Variants in PALLD observed in about 807,000 individuals in gnomAD.
The protein encoded by PALLD is palladin.
In PALLD, 61 loss-of-function variants were observed where a neutral mutation model predicts 123.5. The ratio of observed to expected loss-of-function variants is 0.49; its 90% CI spans 0.40 to 0.61. The LOEUF (loss-of-function observed/expected upper bound fraction) is 0.61. PALLD is among the 20% of genes least tolerant of loss of function. The pLI, the probability that PALLD is intolerant of heterozygous loss-of-function variation, is 0.00. For synonymous variants in PALLD, 465 were observed against 496.4 expected, an observed-to-expected ratio of 0.94 and a Z score of 0.84; for missense variants, 1,273 against 1,377.0, an observed-to-expected ratio of 0.92 and a Z score of 1.20.
At chr4:168,830,934 G>A (rs760618050) in intron 10 of PALLD, among the ~76,000 whole-genome samples, 2 of 152,156 alleles carry the variant, frequency 1.3e-5, no homozygotes, top group African/African-American at 2.4e-5. Context: ...CCACGTTACC[G>A]AAACAGCCTG....
intron 15 of PALLD, among the ~76,000 whole-genome samples, chr4:168,910,775 A>ACGT (rs1758776456): frequency 6.6e-6 from 1 of 152,196 alleles, no homozygotes; most frequent in Non-Finnish European, 1.5e-5. Flanking sequence ...ACAAACTTAG[A>ACGT]CTGATTCCAG....
intron 2 of PALLD, among the ~76,000 whole-genome samples, chr4:168,585,463 T>TC (rs1373002450): frequency 6.6e-6 from 1 of 152,122 alleles, no homozygotes; most frequent in Non-Finnish European, 1.5e-5. Flanking sequence ...CTTATGCCTC[T>TC]CCTCCCACCT....
intron 8 of PALLD, among the ~76,000 whole-genome samples, chr4:168,701,627 G>C (rs1290061812): frequency 6.6e-6 from 1 of 152,146 alleles, no homozygotes; most frequent in African/African-American, 2.4e-5. Context: ...TTAAATGTAG[G>C]TTTCAAGGCA....
At chr4:168,573,603 A>T (rs1769220633) in intron 2 of PALLD, among the ~76,000 whole-genome samples, 1 of 152,130 alleles carries the variant, frequency 6.6e-6, no homozygotes, top group African/African-American at 2.4e-5. Context: ...TAGAGAGATG[A>T]TTGCTATGAC....
chr4:168,573,924 ACTT>A (rs1013585215), intron 2 of PALLD, among the ~76,000 whole-genome samples: 2 of 150,984 alleles, frequency 1.3e-5, no homozygotes, highest in African/African-American at 4.9e-5. Context: ...AGAGAAAACA[ACTT>A]CTGGGAAGCA....
intron 10 of PALLD, among the ~76,000 whole-genome samples, chr4:168,749,419 A>G (rs1730738275): frequency 6.6e-6 from 1 of 152,234 alleles, no homozygotes; most frequent in African/African-American, 2.4e-5. Context: ...AAAAAAAAAA[A>G]AAATTGGTCA....
chr4:168,925,347 T>C, intron 21 of PALLD, 69 bp downstream of exon 21: 1 of 1,194,906 alleles, frequency 8.4e-7, no homozygotes, highest in Admixed American at 1.7e-5. Flanking sequence ...GGCTAGTTAG[T>C]TGTGGCTTCC....
At chr4:168,662,431 T>C (rs1779214153) in intron 2 of PALLD, among the ~76,000 whole-genome samples, 1 of 152,244 alleles carries the variant, frequency 6.6e-6, no homozygotes, top group Non-Finnish European at 1.5e-5. Context: ...GCCTTCAACT[T>C]TAGTTGCTTT....
At chr4:168,905,394 C>T (rs917124328) in intron 15 of PALLD, among the ~76,000 whole-genome samples, 12 of 151,564 alleles carry the variant, frequency 7.9e-5, no homozygotes, top group African/African-American at 1.5e-4. Context: ...GTGATCCGCC[C>T]GCCTCGGCCT....
intron 10 of PALLD, chr4:168,755,933 G>A (rs115290925): frequency 4.0e-4 from 68 of 171,230 alleles, no homozygotes; most frequent in African/African-American, 1.3e-3. Context: ...CTTCAGTCAC[G>A]TCAGTATAGA....
intron 2 of PALLD, among the ~76,000 whole-genome samples, chr4:168,577,218 A>T (rs1769710440): frequency 6.6e-6 from 1 of 152,138 alleles, no homozygotes; most frequent in South Asian, 2.1e-4. Flanking sequence ...CACAGTTTGA[A>T]TGCTCAGCAG....
At chr4:168,752,087 A>G (rs1731137285) in intron 10 of PALLD, among the ~76,000 whole-genome samples, 1 of 152,192 alleles carries the variant, frequency 6.6e-6, no homozygotes, top group Admixed American at 6.5e-5. Context: ...TTAAAAGTCA[A>G]TTTCTTGTAG....
intron 2 of PALLD, among the ~76,000 whole-genome samples, chr4:168,641,195 G>C (rs181830603): frequency 6.9e-6 from 1 of 145,426 alleles, no homozygotes; most frequent in Non-Finnish European, 1.5e-5. Context: ...GCGACAGAGC[G>C]AGACTCCATC....
chr4:168,753,702 T>C (rs1731378027), intron 10 of PALLD, among the ~76,000 whole-genome samples: 1 of 152,176 alleles, frequency 6.6e-6, no homozygotes, highest in African/African-American at 2.4e-5. Context: ...TAGAGGCCCA[T>C]GCAGATAGGA....
intron 2 of PALLD, among the ~76,000 whole-genome samples, chr4:168,651,588 C>T (rs1416187213): frequency 1.3e-5 from 2 of 151,544 alleles, no homozygotes; most frequent in Non-Finnish European, 2.9e-5. Context: ...TTTTTTTTTC[C>T]CCCCCGCAAG....
rs1157122098 is a variant in PALLD at position 168,683,020 on chromosome 4, G to A, written c.1177G>A (p.Val393Ile). 1 of 1,610,708 alleles carries A rather than the reference G, an allele frequency of 6.2e-7. No individual in the cohort carries two copies. The highest frequency in any genetic ancestry group is 8.5e-7 in the Non-Finnish European group (1 of 1,177,176). ...CAGAGCTCAAAAGAAAACAACTTCT[G>A]TTTCCTTGACAATAGGATCATCATC... ...MPQAQKKTTSVSLTIGSSSPK... is the reference protein window; with the variant it reads ...MPQAQKKTTSISLTIGSSSPK... Residue 393 changes from valine (V) to isoleucine (I), a missense_variant, in exon 5 of 22, where the codon GTT becomes ATT. By Grantham distance (29) the Val-to-Ile change is conservative. This residue lies in a region of PALLD where 944 missense variants were observed against 954.5 expected (regional missense o/e 0.99). Coordinates refer to ENST00000505667, the MANE Select transcript of PALLD (RefSeq NM_001166108.2).
chr4:168,746,731 G>A (rs77069146), intron 10 of PALLD, among the ~76,000 whole-genome samples: 1 of 152,080 alleles, frequency 6.6e-6, no homozygotes, highest in African/African-American at 2.4e-5. Flanking sequence ...GAAACAAGTT[G>A]ATACATCAAG....
Position 168,783,036 on chromosome 4 carries a change from T to TTA in PALLD, c.1964+71123_1964+71124dup, listed in dbSNP as rs370965065. 7.2e-3 allele frequency among the ~76,000 whole-genome samples: 1,052 copies of TTA among 146,472 alleles called. 38 individuals carry two copies. In the East Asian group the frequency reaches 0.13, roughly 18 times the overall value. On this transcript the variant is annotated intron_variant, in intron 10 of 21. Transcript: ENST00000505667. The stretch of plus-strand genomic sequence containing the variant: ...AAAACAGCATTTCTACTCACAAATT[T>TTA]TATATATATATGTGTGTGTGTGTGT...
intron 2 of PALLD, among the ~76,000 whole-genome samples, chr4:168,640,446 C>T (rs1776826625): frequency 1.3e-5 from 2 of 152,184 alleles, no homozygotes; most frequent in South Asian, 2.1e-4. Context: ...CCTCATGGCT[C>T]CAGGATTGGA....
Sources: allele counts gnomAD v4.1 joint callset (sites outside exome capture counted in the v4.1 genomes callset), GRCh38; gene constraint gnomAD v4.1.1; regional missense constraint gnomAD v4.1.1; transcripts MANE v1.5; gene names NCBI Gene and HGNC (gene_info 2026-07-23, HGNC 2026-07-21).